The following CDK12 variants were observed in gnomAD, a reference collection of about 807,000 sequenced individuals.
CDK12 encodes the protein cyclin dependent kinase 12.
CDK12 carries 17 observed loss-of-function variants against 133.8 expected under a neutral mutation model. That is an observed-to-expected ratio of 0.13 (90% CI 0.09 to 0.19). CDK12 has a LOEUF of 0.19. Ranked by LOEUF, CDK12 falls within the 10% of genes least tolerant of loss-of-function variation. The pLI is 1.00. For missense variants in CDK12, 1,508 were observed against 1,818.7 expected, an observed-to-expected ratio of 0.83 and a Z score of 3.11; for synonymous variants, 694 against 683.6, an observed-to-expected ratio of 1.02 and a Z score of -0.24.
chr17:39,499,935 G>T (rs1318842621), intron 5 of CDK12, among the ~76,000 whole-genome samples: 1 of 152,164 alleles, frequency 6.6e-6, no homozygotes, highest in East Asian at 1.9e-4. Flanking sequence ...TAACAAATGG[G>T]CATGGTTGTG....
At chr17:39,543,833 G>C (rs1379962311), upstream of CDK12, among the ~76,000 whole-genome samples, 1 of 152,124 alleles carries the variant, frequency 6.6e-6, no homozygotes, top group African/African-American at 2.4e-5. Flanking sequence ...ATGGATGAGA[G>C]AGCCACAAGT....
At chr17:39,495,130 T>G (rs1227875455) in intron 5 of CDK12, among the ~76,000 whole-genome samples, 4 of 152,048 alleles carry the variant, frequency 2.6e-5, no homozygotes, top group Non-Finnish European at 2.9e-5. Flanking sequence ...CCAGGCTGGA[T>G]TGCAGTCCTG....
Position 39,530,872 on chromosome 17 carries a change from G to A in CDK12, c.4029G>A (p.Gly1343=), listed in dbSNP as rs1567791507. Residue 1343 remains glycine (G), a synonymous_variant, in exon 14 of 14, where the codon GGG becomes GGA. Transcript: ENST00000447079. Reference sequence around the variant, plus strand: ...ACAGGACTTATGGAAACACTGATGGGCCTGAAACAGGGTTCAGTGCCATTG... The same window carrying A: ...ACAGGACTTATGGAAACACTGATGGACCTGAAACAGGGTTCAGTGCCATTG... ...RPNRTYGNTD[G]PETGFSAIDT... The A allele has an allele frequency of 4.3e-6, 7 of 1,614,194 alleles. No homozygotes were observed. In the South Asian group the frequency reaches 7.7e-5, roughly 18 times the overall value.
chr17:39,517,640 T>C, intron 10 of CDK12, 84 bp downstream of exon 10: 1 of 765,902 alleles, frequency 1.3e-6, no homozygotes. Context: ...GTAGTTAATG[T>C]TGTCCCAGTT....
chr17:39,532,089 T>TCGCTCG lies in CDK12; in HGVS notation c.*774_*775insGCTCGC. The TCGCTCG allele has an allele frequency of 9.3e-6, 2 of 216,010 alleles. No individual in the cohort carries two copies. The highest frequency in any genetic ancestry group is 1.4e-4 in the Admixed American group (2 of 14,714). The allele number at this position is 216,010 out of a possible 1,614,324, so 13.4% of individuals were successfully genotyped here. ...TCTTTCCTTTTTTGCTGATGTGTGC[T>TCGCTCG]CTCTCTCTCTCTTTCTCTCTCTCTC... is the stretch of plus-strand genomic sequence containing the variant. On this transcript the variant is annotated 3_prime_UTR_variant, in exon 14 of 14. Coordinates refer to ENST00000447079, the MANE Select transcript of CDK12 (RefSeq NM_016507.4).
intron 1 of CDK12, among the ~76,000 whole-genome samples, chr17:39,467,560 A>G (rs2049437934): frequency 6.6e-6 from 1 of 152,152 alleles, no homozygotes; most frequent in Non-Finnish European, 1.5e-5. Flanking sequence ...TGGCCATCCA[A>G]ATCTGTTAAC....
intron 1 of CDK12, among the ~76,000 whole-genome samples, 186 bp downstream of exon 1, chr17:39,463,303 A>C (rs774018838): frequency 6.6e-6 from 1 of 152,198 alleles, no homozygotes; most frequent in Non-Finnish European, 1.5e-5. Flanking sequence ...TGAAGAGTAC[A>C]TAGGCCTCAA....
At chr17:39,565,446 TAAAAAAAACGGA>T (rs2056540089), downstream of CDK12, among the ~76,000 whole-genome samples, 1 of 149,924 alleles carries the variant, frequency 6.7e-6, no homozygotes, top group East Asian at 2.0e-4. Flanking sequence ...TTTGTTTGTT[TAAAAAAAACGGA>T]GTTTCGCTCT....
intron 3 of CDK12, among the ~76,000 whole-genome samples, chr17:39,563,469 C>CCCA (rs2056460940): frequency 1.2e-5 from 1 of 84,294 alleles, no homozygotes; most frequent in South Asian, 7.2e-4. Flanking sequence ...TCCCGCCCCC[C>CCCA]CCCCGCCCCC....
At chr17:39,505,523 CAAAAAAA>C (rs369918356) in intron 6 of CDK12, among the ~76,000 whole-genome samples, 2 of 97,744 alleles carry the variant, frequency 2.0e-5, no homozygotes, top group African/African-American at 8.8e-5. Context: ...GACTCCGTCT[CAAAAAAA>C]AAAAAAAAAA....
rs1179403966 is a variant in CDK12, at chr17:39,501,385, A to G, written c.2555A>G (p.Lys852Arg). The change falls in exon 6 of 14, where the codon AAA (lysine) becomes AGA (arginine). Residue 852 changes from lysine (K) to arginine (R), a missense_variant. This residue lies in a region of CDK12 where 82 missense variants were observed against 201.5 expected (regional missense o/e 0.41). Coordinates refer to ENST00000447079, the MANE Select transcript of CDK12 (RefSeq NM_016507.4). The stretch of plus-strand genomic sequence containing the variant: ...ATGGAAGGATTGGAATACTGTCACA[A>G]AAAGAATTTCCTGCATCGGGATATT... ...QLMEGLEYCH[K>R]KNFLHRDIKC... 5 of 1,613,602 alleles carry G rather than the reference A, an allele frequency of 3.1e-6. No individual in the cohort carries two copies. The Admixed American group carries it at 8.3e-5, about 27-fold the overall frequency.
intron 2 of CDK12, among the ~76,000 whole-genome samples, chr17:39,480,034 C>T (rs1391097614): frequency 6.6e-6 from 1 of 150,950 alleles, no homozygotes; most frequent in Non-Finnish European, 1.5e-5. Flanking sequence ...AGCGATTTTC[C>T]TGCCTCAGCT....
Position 39,490,534 on chromosome 17 carries a change from A to G in CDK12, c.1932-23A>G, listed in dbSNP as rs565058559. On this transcript the variant is annotated intron_variant, in intron 2 of 13. Coordinates refer to ENST00000447079, the MANE Select transcript of CDK12 (RefSeq NM_016507.4). ...GCGTATCTTTAATTGTAATTTTGTC[A>G]TCTCTTCTCATTTATTGTTTAGTCC... is the stretch of plus-strand genomic sequence containing the variant. 7 of 1,535,824 alleles carry G rather than the reference A, an allele frequency of 4.6e-6. No homozygotes were observed. The South Asian group carries it at 6.0e-5, about 13-fold the overall frequency.
At chr17:39,463,240 G>T in intron 1 of CDK12, 123 bp downstream of exon 1, 1 of 834,850 alleles carries the variant, frequency 1.2e-6, no homozygotes, top group Non-Finnish European at 1.9e-6. Flanking sequence ...TTTGCTGTTG[G>T]CTAGTCATTC....
intron 6 of CDK12, among the ~76,000 whole-genome samples, chr17:39,505,801 T>C (rs1203556803): frequency 6.6e-6 from 1 of 152,198 alleles, no homozygotes; most frequent in African/African-American, 2.4e-5. Context: ...GTGTTTCATA[T>C]ATGCAGGTTC....
At position 39,534,233 on chromosome 17, in the gene CDK12, A is replaced by G. The variant is rs529475409; in HGVS notation, c.*2917A>G. 1.1e-3 allele frequency: 259 copies of G among 232,982 alleles called. No homozygotes were observed. Among genetic ancestry groups the G allele is most frequent in the African/African-American group, 5.4e-3 (245 of 45,460 alleles). The allele number at this position is 232,982 out of a possible 1,614,324, so 14.4% of individuals were successfully genotyped here. On this transcript the variant is annotated 3_prime_UTR_variant, in exon 14 of 14. Transcript: ENST00000447079. ...GCACAAATTTGCAAGTAGAACTTCT[A>G]TTAGCTTATGCCATAGACATCACCC...
chr17:39,464,043 T>G (rs968211187), intron 1 of CDK12, among the ~76,000 whole-genome samples: 3 of 152,098 alleles, frequency 2.0e-5, no homozygotes, highest in South Asian at 2.1e-4. Flanking sequence ...CTTGCCTGAG[T>G]TGCTTCAGGT....
At chr17:39,524,610 G>T in intron 11 of CDK12, 64 bp from the exon 12 acceptor site, 4 of 1,348,556 alleles carry the variant, frequency 3.0e-6, no homozygotes, top group East Asian at 2.3e-5. Flanking sequence ...TTAATCCTTT[G>T]CTCCTCCATT....
intron 3 of CDK12, among the ~76,000 whole-genome samples, chr17:39,563,197 TCA>T (rs971816426): frequency 8.6e-5 from 13 of 151,554 alleles, no homozygotes; most frequent in African/African-American, 2.7e-4. Context: ...ACACACACAC[TCA>T]CACACACGAA....
Sources: allele counts gnomAD v4.1 joint callset (sites outside exome capture counted in the v4.1 genomes callset), GRCh38; gene constraint gnomAD v4.1.1; regional missense constraint gnomAD v4.1.1; transcripts MANE v1.5; gene names NCBI Gene and HGNC (gene_info 2026-07-23, HGNC 2026-07-21).